Variants in CSMD1 observed in about 807,000 individuals in gnomAD.
CSMD1 encodes the protein CUB and Sushi multiple domains 1.
CSMD1 carries 213 observed loss-of-function variants against 417.5 expected under a neutral mutation model. That is an observed-to-expected ratio of 0.51 (90% CI 0.46 to 0.57). The LOEUF is 0.57. Ranked by LOEUF, CSMD1 falls within the 20% of genes least tolerant of loss-of-function variation. The pLI is 0.00. For synonymous variants in CSMD1, 2,862 were observed against 1,736.8 expected (o/e 1.65, Z -16.11); for missense variants, 6,923 against 4,529.7 (o/e 1.53, Z -15.17).
chr8:4,204,873 C>T (rs1799883849), intron 3 of CSMD1, among the ~76,000 whole-genome samples: 1 of 152,100 alleles, frequency 6.6e-6, no homozygotes, highest in Admixed American at 6.5e-5. Flanking sequence ...ATTCCCCAGG[C>T]TGGTCCTGAA....
chr8:4,944,402 G>T (rs888146050), intron 1 of CSMD1, among the ~76,000 whole-genome samples: 6 of 152,184 alleles, frequency 3.9e-5, no homozygotes, highest in African/African-American at 7.2e-5. Flanking sequence ...TCAGATGGTT[G>T]TAGGAATTCT....
chr8:4,396,512 G>A (rs1053685597), intron 3 of CSMD1, among the ~76,000 whole-genome samples: 1 of 151,986 alleles, frequency 6.6e-6, no homozygotes, highest in Non-Finnish European at 1.5e-5. Context: ...ATTGCCAAAA[G>A]CATACGAAGA....
chr8:3,831,378 C>A (rs142190700), intron 5 of CSMD1, among the ~76,000 whole-genome samples: 1 of 152,104 alleles, frequency 6.6e-6, no homozygotes, highest in East Asian at 1.9e-4. Context: ...GTCTTTCCAA[C>A]AGAGACAAAT....
chr8:3,269,980 G>C (rs1393941755), intron 26 of CSMD1, among the ~76,000 whole-genome samples: 1 of 151,586 alleles, frequency 6.6e-6, no homozygotes, highest in Non-Finnish European at 1.5e-5. Context: ...CTACTCCATT[G>C]ATGGCCATCA....
chr8:3,290,216 T>C (rs1803448586), intron 25 of CSMD1, among the ~76,000 whole-genome samples: 1 of 147,384 alleles, frequency 6.8e-6, no homozygotes. Flanking sequence ...ACCATGCTGT[T>C]TTGGTTACTG....
At chr8:4,451,618 G>C (rs748939728) in intron 2 of CSMD1, among the ~76,000 whole-genome samples, 1 of 152,154 alleles carries the variant, frequency 6.6e-6, no homozygotes, top group Non-Finnish European at 1.5e-5. Flanking sequence ...TTATATTCAA[G>C]AAGGAATCTA....
intron 3 of CSMD1, among the ~76,000 whole-genome samples, chr8:4,099,685 C>G (rs933898251): frequency 6.6e-6 from 1 of 151,856 alleles, no homozygotes; most frequent in African/African-American, 2.4e-5. Context: ...TACAAACAAA[C>G]AAACAAAACC....
chr8:3,366,576 C>G (rs533899941), intron 20 of CSMD1, among the ~76,000 whole-genome samples: 1 of 152,312 alleles, frequency 6.6e-6, no homozygotes, highest in African/African-American at 2.4e-5. Flanking sequence ...TCATCCTCAA[C>G]TGTGTGTGTC....
At chr8:3,933,340 C>T (rs570006694) in intron 5 of CSMD1, among the ~76,000 whole-genome samples, 3 of 152,132 alleles carry the variant, frequency 2.0e-5, no homozygotes, top group African/African-American at 7.2e-5. Flanking sequence ...ATTACTTGAA[C>T]CATTAAGCTG....
chr8:4,812,808 C>A (rs1159609429), intron 1 of CSMD1, among the ~76,000 whole-genome samples: 1 of 152,142 alleles, frequency 6.6e-6, no homozygotes, highest in Non-Finnish European at 1.5e-5. Context: ...TGGAGGAAAA[C>A]ACATTTCTAA....
chr8:4,917,646 T>C (rs1357152078), intron 1 of CSMD1, among the ~76,000 whole-genome samples: 1 of 70,798 alleles, frequency 1.4e-5, no homozygotes, highest in African/African-American at 5.6e-5. Context: ...AATAAATAAA[T>C]AAATGAAATA....
At chr8:4,493,385 T>C (rs1431724946) in intron 2 of CSMD1, among the ~76,000 whole-genome samples, 1 of 152,152 alleles carries the variant, frequency 6.6e-6, no homozygotes, top group Non-Finnish European at 1.5e-5. Context: ...GGATTACTAC[T>C]GATACAAACA....
At position 2,978,714 on chromosome 8, in the gene CSMD1, T is replaced by C. The variant is rs768064922; in HGVS notation, c.8464A>G (p.Ser2822Gly). Residue 2822 changes from serine (S) to glycine (G), a missense_variant, in exon 55 of 70, where the codon AGT becomes GGT. Ser to Gly is a moderately conservative substitution (Grantham distance 56, BLOSUM62 0). Coordinates refer to ENST00000635120, the MANE Select transcript of CSMD1 (RefSeq NM_033225.6). Reference protein sequence around the residue: ...NFPESFEYGMSILYHCKKGFY... With the variant: ...NFPESFEYGMGILYHCKKGFY... ...CCCTTCTTGCAATGGTACAGGATAC[T>C]CATTCCATACTCAAAACTCTCAGGG... 6.2e-7 allele frequency: 1 copy of C among 1,613,140 alleles called. No individual in the cohort carries two copies. The highest frequency in any genetic ancestry group is 1.7e-5 in the Admixed American group (1 of 59,948).
Position 4,409,588 on chromosome 8 carries a change from T to C in CSMD1, c.415+10365A>G, listed in dbSNP as rs138553200. ...CAACACTTCAGCAGGGATGAATTTG[T>C]TCTGTGTACTCTGACTTAGAAGAGT... On this transcript the variant is annotated intron_variant, in intron 3 of 69. Transcript: ENST00000635120. Among the ~76,000 whole-genome samples, 330 of 152,246 alleles carry C rather than the reference T, an allele frequency of 2.2e-3. 1 individual carries two copies. The highest frequency in any genetic ancestry group is 7.1e-3 in the African/African-American group (294 of 41,548).
chr8:3,599,379 T>C (rs1026646258), intron 8 of CSMD1, among the ~76,000 whole-genome samples: 12 of 152,178 alleles, frequency 7.9e-5, no homozygotes, highest in African/African-American at 2.4e-4. Flanking sequence ...CTCAGCATCA[T>C]TAACCCCAAC....
At chr8:4,612,688 C>G (rs919690238) in intron 2 of CSMD1, among the ~76,000 whole-genome samples, 7 of 152,162 alleles carry the variant, frequency 4.6e-5, no homozygotes, top group Non-Finnish European at 1.0e-4. Flanking sequence ...CCTCACGCCA[C>G]ATCCCTGCCA....
At chr8:4,104,349 A>C (rs1385157965) in intron 3 of CSMD1, among the ~76,000 whole-genome samples, 2 of 152,234 alleles carry the variant, frequency 1.3e-5, no homozygotes, top group East Asian at 3.9e-4. Context: ...AAAGGCATTA[A>C]GACTGCACAC....
At chr8:4,283,997 C>A (rs1457090317) in intron 3 of CSMD1, among the ~76,000 whole-genome samples, 1 of 152,120 alleles carries the variant, frequency 6.6e-6, no homozygotes, top group Non-Finnish European at 1.5e-5. Context: ...CTTTGGGAGG[C>A]CGAGGAAGGT....
chr8:4,952,984 A>G (rs1808852290), intron 1 of CSMD1, among the ~76,000 whole-genome samples: 2 of 152,162 alleles, frequency 1.3e-5, no homozygotes, highest in South Asian at 4.1e-4. Flanking sequence ...TTTATTCCAC[A>G]TCCATGCATT....
Sources: gnomAD v4.1 joint callset for allele counts (sites outside exome capture counted in the v4.1 genomes callset) on GRCh38, gnomAD v4.1.1 for gene constraint, MANE v1.5 for transcripts, NCBI Gene and HGNC (gene_info 2026-07-23, HGNC 2026-07-21) for gene names.